Variants in HORMAD1 observed in about 807,000 individuals in gnomAD.
HORMAD1 encodes HORMA domain-containing protein 1.
Under a neutral mutation model 58.2 loss-of-function variants are expected in HORMAD1, and 33 were observed. That is an observed-to-expected ratio of 0.57 (90% CI 0.43 to 0.76). The LOEUF is 0.76. HORMAD1 is among the 30% of genes least tolerant of loss of function. HORMAD1 has a pLI of 0.00. For missense variants in HORMAD1, 363 were observed against 462.0 expected (o/e 0.79, Z 1.96); for synonymous variants, 137 against 144.6 (o/e 0.95, Z 0.38).
rs779157430 is a variant in HORMAD1 at position 150,698,658 on chromosome 1, A to T, written c.1181T>A (p.Ile394Lys). Residue 394 changes from isoleucine to lysine, a missense_variant, in exon 15 of 15, where the codon ATA becomes AAA. Physicochemically the swap from Ile to Lys is moderately radical, Grantham distance 102. Coordinates refer to ENST00000361824, the MANE Select transcript of HORMAD1 (RefSeq NM_032132.5). ...RRKFSEPKEH[I>K] The stretch of plus-strand genomic sequence containing the variant: ...CCTGCAGAACAAAAATAATTTTTAT[A>T]TATGTTCCTTTGGTTCACTAAACTT... 6.5e-7 allele frequency: 1 copy of T among 1,537,462 alleles called. No homozygotes were observed. The highest frequency in any genetic ancestry group is 9.0e-7 in the Non-Finnish European group (1 of 1,113,006).
chr1:150,712,748 T>C (rs1651940095), intron 5 of HORMAD1, among the ~76,000 whole-genome samples: 1 of 152,182 alleles, frequency 6.6e-6, no homozygotes, highest in Non-Finnish European at 1.5e-5. Context: ...GGTTTCACCA[T>C]GTTGGCCAGG....
At chr1:150,711,442 G>C in intron 7 of HORMAD1, 103 bp downstream of exon 7, 1 of 867,326 alleles carries the variant, frequency 1.2e-6, no homozygotes, top group Non-Finnish European at 1.9e-6. Context: ...AAAGTATATT[G>C]ATTAAAGCAT....
chr1:150,714,571 T>G (rs753252732), intron 4 of HORMAD1, 44 bp downstream of exon 4: 1 of 1,102,660 alleles, frequency 9.1e-7, no homozygotes, highest in Non-Finnish European at 1.3e-6. Context: ...AAAAGTAAAA[T>G]GAGAAAAAAA....
intron 10 of HORMAD1, among the ~76,000 whole-genome samples, chr1:150,705,544 TAAAC>T (rs1651666623): frequency 6.6e-6 from 1 of 150,642 alleles, no homozygotes; most frequent in Non-Finnish European, 1.5e-5. Flanking sequence ...AAAAAAGTAA[TAAAC>T]AAAAACTCTT....
intron 13 of HORMAD1, chr1:150,702,048 A>C (rs1476539540): frequency 1.3e-5 from 2 of 152,220 alleles, no homozygotes; most frequent in African/African-American, 2.4e-5. Context: ...TAATATCCAG[A>C]ATCTATAAGA....
chr1:150,710,616 C>T (rs1651845781), intron 7 of HORMAD1, among the ~76,000 whole-genome samples: 1 of 152,136 alleles, frequency 6.6e-6, no homozygotes, highest in African/African-American at 2.4e-5. Flanking sequence ...TAATTCACAG[C>T]CTTTACCCAA....
chr1:150,716,689 C>G (rs1056181256), intron 3 of HORMAD1, among the ~76,000 whole-genome samples: 1 of 151,146 alleles, frequency 6.6e-6, no homozygotes, highest in African/African-American at 2.4e-5. Context: ...ATGGGCCGGG[C>G]GCGGTGGCTC....
chr1:150,707,634 G>A (rs989207634), intron 9 of HORMAD1, among the ~76,000 whole-genome samples: 3 of 152,120 alleles, frequency 2.0e-5, no homozygotes, highest in Admixed American at 6.5e-5. Flanking sequence ...AGTCCCTCGC[G>A]TGTACAAAAG....
At chr1:150,707,607 A>C (rs1316512237) in intron 9 of HORMAD1, among the ~76,000 whole-genome samples, 1 of 152,218 alleles carries the variant, frequency 6.6e-6, no homozygotes, top group Non-Finnish European at 1.5e-5. Flanking sequence ...TCCTCTAAAA[A>C]TGTTGCACCT....
rs1651908819 is a variant in HORMAD1, at chr1:150,711,633, T to C, written c.301-62A>G. 3.9e-6 allele frequency: 5 copies of C among 1,283,250 alleles called. No individual in the cohort carries two copies. The African/African-American group carries it at 7.4e-5, about 19-fold the overall frequency. The allele number at this position is 1,283,250 out of a possible 1,614,324, so 79.5% of individuals were successfully genotyped here. Reference sequence around the variant, plus strand: ...CTAAGTATTCAAGAACTAAATTAGATGTTTAGACTAAACTTCATGTGAACT... The same window carrying C: ...CTAAGTATTCAAGAACTAAATTAGACGTTTAGACTAAACTTCATGTGAACT... On this transcript the variant is annotated intron_variant, in intron 6 of 14. Transcript: ENST00000361824.
rs1651989187 is a variant in HORMAD1, at chr1:150,714,091, T to C, written c.273A>G (p.Lys91=). Residue 91 remains lysine, a synonymous_variant, in exon 5 of 15, where the codon AAA becomes AAG. Transcript: ENST00000361824. ...AAGAGATTGCAAGACTTACATATTT[T>C]TTCTGTAAAGCATCATAACATCCTA... The part of the protein sequence containing the change: ...WMLGCYDALQ[K]KYLRMVVLAV... 6.5e-7 allele frequency: 1 copy of C among 1,533,178 alleles called. No homozygotes were observed. Among genetic ancestry groups the C allele is most frequent in the Non-Finnish European group, 9.0e-7 (1 of 1,116,752 alleles). The allele number at this position is 1,533,178 out of a possible 1,614,324, so 95.0% of individuals were successfully genotyped here.
intron 3 of HORMAD1, among the ~76,000 whole-genome samples, chr1:150,715,208 T>C (rs1652032600): frequency 6.6e-6 from 1 of 152,204 alleles, no homozygotes; most frequent in Non-Finnish European, 1.5e-5. Flanking sequence ...TGCAAGCTGA[T>C]GGGTACAAAA....
chr1:150,717,671 G>A (rs1252960548), intron 2 of HORMAD1, among the ~76,000 whole-genome samples: 3 of 152,146 alleles, frequency 2.0e-5, no homozygotes, highest in South Asian at 2.1e-4. Context: ...AGTGGCTCAC[G>A]CCTGTAATCC....
Position 150,706,717 on chromosome 1 carries a change from C to T in HORMAD1, c.640G>A (p.Glu214Lys). The T allele has an allele frequency of 1.2e-6, 2 of 1,613,542 alleles. No individual in the cohort carries two copies. The highest frequency in any genetic ancestry group is 2.2e-5 in the East Asian group (1 of 44,850). Residue 214 changes from glutamate (E) to lysine (K), a missense_variant, in exon 10 of 15, where the codon GAA becomes AAA. Glu to Lys is a moderately conservative substitution (Grantham distance 56). Around this residue, in one of 3 missense-constraint regions of HORMAD1, gnomAD observed 226 missense variants for 257.8 expected, o/e 0.88. Coordinates refer to ENST00000361824, the MANE Select transcript of HORMAD1 (RefSeq NM_032132.5). Reference protein sequence around the residue: ...EGEPMYLNVGEVSTPFHIFKV... With the variant: ...EGEPMYLNVGKVSTPFHIFKV... ...AAGATGTGAAAAGGTGTTGAGACTT[C>T]TCCCACATTTAAATACATAGGTTCC...
intron 14 of HORMAD1, among the ~76,000 whole-genome samples, chr1:150,699,307 C>G (rs983333783): frequency 5.3e-5 from 8 of 152,074 alleles, no homozygotes; most frequent in African/African-American, 1.9e-4. Flanking sequence ...GGGTTTAAGT[C>G]AGGAAAATAT....
chr1:150,716,407 GC>G (rs1652079333), intron 3 of HORMAD1, among the ~76,000 whole-genome samples: 1 of 151,162 alleles, frequency 6.6e-6, no homozygotes, highest in East Asian at 2.0e-4. Flanking sequence ...TGATCCGCCC[GC>G]CTCGGCCTCC....
At chr1:150,710,369 A>C (rs1651837369) in intron 7 of HORMAD1, among the ~76,000 whole-genome samples, 1 of 152,222 alleles carries the variant, frequency 6.6e-6, no homozygotes, top group South Asian at 2.1e-4. Context: ...CCCCAGCTAA[A>C]AAAGAGATTA....
chr1:150,701,350 C>A (rs960646451), intron 13 of HORMAD1, among the ~76,000 whole-genome samples: 1 of 152,098 alleles, frequency 6.6e-6, no homozygotes, highest in African/African-American at 2.4e-5. Context: ...TCATGAGATA[C>A]TCATTTGAAT....
intron 9 of HORMAD1, among the ~76,000 whole-genome samples, chr1:150,707,121 G>C (rs952272819): frequency 6.6e-6 from 1 of 152,092 alleles, no homozygotes; most frequent in Admixed American, 6.6e-5. Flanking sequence ...ATAAAGTGTC[G>C]TAAAATGTTG....
Sources: allele counts gnomAD v4.1 joint callset (sites outside exome capture counted in the v4.1 genomes callset), GRCh38; gene constraint gnomAD v4.1.1; regional missense constraint gnomAD v4.1.1; transcripts MANE v1.5; gene names NCBI Gene and HGNC (gene_info 2026-07-23, HGNC 2026-07-21).